The following DYNC2H1 variants were observed in gnomAD, a reference collection of about 807,000 sequenced individuals.
The protein encoded by DYNC2H1 is dynein cytoplasmic 2 heavy chain 1, also known as cytoplasmic dynein 2 heavy chain 1.
DYNC2H1 carries 410 observed loss-of-function variants against 570.0 expected under a neutral mutation model. The ratio of observed to expected loss-of-function variants is 0.72; its 90% CI spans 0.66 to 0.78. The LOEUF (loss-of-function observed/expected upper bound fraction) is 0.78, where lower values mean the gene tolerates loss of function less well. Ranked by LOEUF, DYNC2H1 falls within the 30% of genes least tolerant of loss-of-function variation. The pLI is 0.00. For synonymous variants in DYNC2H1, 1,688 were observed against 1,677.6 expected (o/e 1.01, Z -0.15); for missense variants, 4,865 against 5,046.4 (o/e 0.96, Z 1.09).
intron 82 of DYNC2H1, among the ~76,000 whole-genome samples, chr11:103,358,037 T>C (rs539054470): frequency 1.3e-5 from 2 of 152,300 alleles, no homozygotes; most frequent in East Asian, 3.9e-4. Context: ...TTTCCCCAAC[T>C]TTGAGTTCTT....
At chr11:103,464,590 C>G (rs1191298841) in intron 87 of DYNC2H1, among the ~76,000 whole-genome samples, 1 of 152,130 alleles carries the variant, frequency 6.6e-6, no homozygotes, top group Non-Finnish European at 1.5e-5. Context: ...ATCAGATTTT[C>G]TTCCAAAGTA....
intron 76 of DYNC2H1, among the ~76,000 whole-genome samples, chr11:103,303,773 G>A (rs11225675): frequency 5.3e-5 from 8 of 152,156 alleles, no homozygotes; most frequent in Admixed American, 2.6e-4. Context: ...ACTTCTGGCC[G>A]CCAGAAGTCT....
chr11:103,179,185 G>A lies in DYNC2H1; in HGVS notation c.6299G>A (p.Ser2100Asn), dbSNP rs780161589. Residue 2100 changes from serine (S) to asparagine (N), a missense_variant, in exon 39 of 89, where the codon AGT (serine) becomes AAT (asparagine). Ser to Asn is a conservative substitution (Grantham distance 46). Around this residue, in one of 5 missense-constraint regions of DYNC2H1, gnomAD observed 231 missense variants for 310.3 expected, o/e 0.74. Transcript: ENST00000375735. Reference protein sequence around the residue: ...VNFVFETHDLSCASPATISRM... With the variant: ...VNFVFETHDLNCASPATISRM... ...TTTGTATTTGAAACTCATGATTTAAGTTGTGCATCACCAGCCACAATATCT... is the reference window on the plus strand; with the variant it reads ...TTTGTATTTGAAACTCATGATTTAAATTGTGCATCACCAGCCACAATATCT... 1 of 1,612,894 alleles carries A rather than the reference G, an allele frequency of 6.2e-7. No homozygotes were observed. Among genetic ancestry groups the A allele is most frequent in the Admixed American group, 1.7e-5 (1 of 59,900 alleles).
rs192650559 is a variant in DYNC2H1 at position 103,109,450 on chromosome 11, G to C, written c.-125G>C. 7.3e-6 allele frequency: 7 copies of C among 955,028 alleles called. No homozygotes were observed. Among genetic ancestry groups the C allele is most frequent in the Non-Finnish European group, 9.0e-6 (6 of 666,912 alleles). The allele number at this position is 955,028 out of a possible 1,614,324, so 59.2% of individuals were successfully genotyped here. On this transcript the variant is annotated 5_prime_UTR_variant, in exon 1 of 89. Transcript: ENST00000375735. ...CATAGCGACTACCCCTGGCAACCGC[G>C]AAGCTCTGCGGTCCCGCGGTCGGGC...
chr11:103,300,505 T>G (rs1031922859), intron 75 of DYNC2H1, among the ~76,000 whole-genome samples: 3 of 152,062 alleles, frequency 2.0e-5, no homozygotes, highest in Admixed American at 6.6e-5. Context: ...TCAGTTCACT[T>G]AAAGTGCAAC....
At chr11:103,187,250 T>G in intron 42 of DYNC2H1, 90 bp from the exon 43 acceptor site, 1 of 1,520,408 alleles carries the variant, frequency 6.6e-7, no homozygotes, top group Non-Finnish European at 8.9e-7. Context: ...GAAACTGAAA[T>G]ATTTATGAGA....
Position 103,287,498 on chromosome 11 carries a change from T to G in DYNC2H1, c.11023-35T>G, listed in dbSNP as rs770051656. On this transcript the variant is annotated intron_variant, in intron 74 of 88. Coordinates refer to ENST00000375735, the MANE Select transcript of DYNC2H1 (RefSeq NM_001377.3). Reference sequence around the variant, plus strand: ...TTTAGTTAAAGTAGTTGCAGCAACTTTATTCTTTAAAAATATTCTGCATTT... The same window carrying G: ...TTTAGTTAAAGTAGTTGCAGCAACTGTATTCTTTAAAAATATTCTGCATTT... The G allele has an allele frequency of 6.4e-6, 10 of 1,550,830 alleles. No individual in the cohort carries two copies. The African/African-American group carries it at 8.2e-5, about 13-fold the overall frequency.
chr11:103,392,758 C>T (rs1055060573), intron 83 of DYNC2H1, among the ~76,000 whole-genome samples: 7 of 150,028 alleles, frequency 4.7e-5, no homozygotes, highest in Non-Finnish European at 1.0e-4. Flanking sequence ...CAGTGTAAGT[C>T]AATTTTGGAA....
intron 84 of DYNC2H1, among the ~76,000 whole-genome samples, chr11:103,418,950 T>C (rs1173531703): frequency 2.0e-5 from 3 of 152,176 alleles, no homozygotes; most frequent in Admixed American, 1.3e-4. Flanking sequence ...GAGTTTTACA[T>C]ACTCCAGTCC....
chr11:103,402,788 ATCAC>A (rs2135658387), intron 84 of DYNC2H1: 1 of 152,270 alleles, frequency 6.6e-6, no homozygotes, highest in East Asian at 1.9e-4. Context: ...TTGGCTGTTA[ATCAC>A]TCAACTAGTG....
At chr11:103,152,570 T>G (rs918115807) in intron 21 of DYNC2H1, among the ~76,000 whole-genome samples, 7 of 152,196 alleles carry the variant, frequency 4.6e-5, no homozygotes, top group African/African-American at 1.7e-4. Flanking sequence ...GGCTTATTGC[T>G]GAAACTCATG....
intron 84 of DYNC2H1, among the ~76,000 whole-genome samples, chr11:103,430,916 A>G (rs1445352211): frequency 1.3e-5 from 2 of 152,128 alleles, no homozygotes; most frequent in Non-Finnish European, 2.9e-5. Flanking sequence ...AGCTCAATTT[A>G]TTGTCCATAG....
intron 60 of DYNC2H1, among the ~76,000 whole-genome samples, chr11:103,231,563 G>C (rs995656486): frequency 7.6e-5 from 11 of 145,296 alleles, no homozygotes; most frequent in Non-Finnish European, 1.5e-4. Flanking sequence ...ATTTCTTCAT[G>C]CAAATGTTAT....
intron 60 of DYNC2H1, among the ~76,000 whole-genome samples, chr11:103,231,872 TTCTC>T (rs1864025223): frequency 6.6e-6 from 1 of 151,912 alleles, no homozygotes; most frequent in Non-Finnish European, 1.5e-5. Flanking sequence ...GTGTGTGTGT[TTCTC>T]TCTCCCCCTC....
chr11:103,346,059 C>G (rs78335367), intron 82 of DYNC2H1, among the ~76,000 whole-genome samples: 16 of 152,202 alleles, frequency 1.1e-4, no homozygotes, highest in African/African-American at 3.9e-4. Flanking sequence ...AATTTCATGG[C>G]AAAATTTTAA....
chr11:103,362,133 A>G (rs1940672384), intron 83 of DYNC2H1, among the ~76,000 whole-genome samples: 1 of 152,094 alleles, frequency 6.6e-6, no homozygotes, highest in South Asian at 2.1e-4. Flanking sequence ...TTTTTTTCTT[A>G]GAGAGGGAAA....
chr11:103,229,446 A>C (rs1395803575), intron 59 of DYNC2H1, among the ~76,000 whole-genome samples: 1 of 152,220 alleles, frequency 6.6e-6, no homozygotes, highest in African/African-American at 2.4e-5. Flanking sequence ...CATACTGTGT[A>C]TTAAAATTTA....
intron 70 of DYNC2H1, among the ~76,000 whole-genome samples, chr11:103,274,291 T>C (rs570917474): frequency 6.6e-6 from 1 of 152,122 alleles, no homozygotes; most frequent in South Asian, 2.1e-4. Context: ...GTCCAGGAGT[T>C]TGAGGCTGTA....
intron 28 of DYNC2H1, among the ~76,000 whole-genome samples, chr11:103,160,216 G>T (rs1429110134): frequency 6.6e-6 from 1 of 151,652 alleles, no homozygotes; most frequent in African/African-American, 2.4e-5. Flanking sequence ...TAGTTTTTTT[G>T]TGAAGATCAA....
Sources: gnomAD v4.1 joint callset for allele counts (sites outside exome capture counted in the v4.1 genomes callset) on GRCh38, gnomAD v4.1.1 for gene constraint, gnomAD v4.1.1 regional missense constraint, MANE v1.5 for transcripts, NCBI Gene and HGNC (gene_info 2026-07-23, HGNC 2026-07-21) for gene names.